ZC3H12C: variants seen among roughly 807,000 people sequenced by gnomAD.
ZC3H12C encodes the protein probable ribonuclease ZC3H12C.
In ZC3H12C, 20 loss-of-function variants were observed where a neutral mutation model predicts 76.3. The observed-to-expected ratio is 0.26, with a 90% CI of 0.18 to 0.38. The LOEUF is 0.38. ZC3H12C is among the 10% of genes least tolerant of loss of function. The probability of loss-of-function intolerance (pLI) is 1.00; values close to 1 mark genes in which losing one functional copy is unlikely to be tolerated. For missense variants in ZC3H12C, 874 were observed against 1,086.5 expected (o/e 0.80, Z 2.75); for synonymous variants, 352 against 399.6 (o/e 0.88, Z 1.42).
intron 2 of ZC3H12C, among the ~76,000 whole-genome samples, chr11:110,147,362 A>G (rs932274179): frequency 6.6e-6 from 1 of 151,980 alleles, no homozygotes; most frequent in Non-Finnish European, 1.5e-5. Context: ...GGTAGGGCTG[A>G]TTTTCTTCCA....
chr11:110,154,493 G>A (rs1862337576), intron 3 of ZC3H12C, among the ~76,000 whole-genome samples: 1 of 152,082 alleles, frequency 6.6e-6, no homozygotes, highest in South Asian at 2.1e-4. Context: ...ATGTATAAAT[G>A]TAAAGCAGAG....
chr11:110,108,480 A>G (rs1391168893), intron 1 of ZC3H12C, among the ~76,000 whole-genome samples: 4 of 152,242 alleles, frequency 2.6e-5, no homozygotes, highest in African/African-American at 7.2e-5. Flanking sequence ...TAGTTTTTGT[A>G]CTGAAGTCCT....
intron 1 of ZC3H12C, among the ~76,000 whole-genome samples, chr11:110,099,208 C>T (rs1420735009): frequency 2.0e-5 from 3 of 151,962 alleles, no homozygotes; most frequent in South Asian, 4.2e-4. Flanking sequence ...AGTGAAATTC[C>T]TTTTTCTGCA....
intron 1 of ZC3H12C, among the ~76,000 whole-genome samples, chr11:110,103,804 C>T (rs892113611): frequency 2.6e-5 from 4 of 151,982 alleles, no homozygotes; most frequent in Non-Finnish European, 5.9e-5. Context: ...GGGGTTTCAC[C>T]GTGTTAGCCA....
chr11:110,137,970 T>C (rs1302638149), intron 2 of ZC3H12C, among the ~76,000 whole-genome samples: 1 of 152,072 alleles, frequency 6.6e-6, no homozygotes, highest in Non-Finnish European at 1.5e-5. Flanking sequence ...GATAATTTTT[T>C]TGGCTAGGCA....
chr11:110,115,302 T>G, intron 1 of ZC3H12C, among the ~76,000 whole-genome samples: 1 of 151,790 alleles, frequency 6.6e-6, no homozygotes, highest in Non-Finnish European at 1.5e-5. Flanking sequence ...TTTTTTCATT[T>G]ATTTATTTAT....
chr11:110,124,835 A>G (rs905708577), intron 1 of ZC3H12C, among the ~76,000 whole-genome samples: 3 of 151,616 alleles, frequency 2.0e-5, no homozygotes, highest in African/African-American at 4.8e-5. Flanking sequence ...TTTTTTAAGC[A>G]GAAGAGTGAT....
At position 110,117,886 on chromosome 11, in the gene ZC3H12C, ATT is replaced by A. The variant is rs1491295892; in HGVS notation, c.22-18776_22-18775del. The stretch of plus-strand genomic sequence containing the variant: ...AATATATATACACACACATATATAT[ATT>A]ATATATATACACACACACATATATA... On this transcript the variant is annotated intron_variant, in intron 1 of 5. Transcript: ENST00000278590. Among the ~76,000 whole-genome samples the A allele has an allele frequency of 2.1e-4, 17 of 81,380 alleles. 1 individual carries two copies. In the South Asian group the frequency reaches 4.2e-3, roughly 20 times the overall value. 53.4% of individuals were successfully genotyped at this position (81,380 alleles called of 152,430 possible).
intron 1 of ZC3H12C, among the ~76,000 whole-genome samples, chr11:110,109,558 G>A (rs1861391755): frequency 6.6e-6 from 1 of 151,988 alleles, no homozygotes; most frequent in Non-Finnish European, 1.5e-5. Flanking sequence ...TTTTGTTAAT[G>A]GGTTTTACTT....
intron 4 of ZC3H12C, among the ~76,000 whole-genome samples, chr11:110,160,910 C>A (rs1162534952): frequency 6.6e-6 from 1 of 152,114 alleles, no homozygotes; most frequent in Non-Finnish European, 1.5e-5. Context: ...CACCTCAGCT[C>A]ACTGCAACCT....
At chr11:110,127,990 A>T (rs1861783910) in intron 1 of ZC3H12C, among the ~76,000 whole-genome samples, 1 of 152,042 alleles carries the variant, frequency 6.6e-6, no homozygotes, top group East Asian at 1.9e-4. Flanking sequence ...CCATACCCCC[A>T]CATCAAAGCT....
chr11:110,102,507 G>A (rs1480482533), intron 1 of ZC3H12C, among the ~76,000 whole-genome samples: 1 of 152,060 alleles, frequency 6.6e-6, no homozygotes, highest in Non-Finnish European at 1.5e-5. Context: ...GTGTCTTCTG[G>A]ATAAGCAAAG....
In ZC3H12C at chr11:110,113,213, G is replaced by C. The variant is rs189789975; in HGVS notation, c.21+19781G>C. Among the ~76,000 whole-genome samples, 101 of 152,236 alleles carry C rather than the reference G, an allele frequency of 6.6e-4. 3 individuals are homozygous for C. The South Asian group carries it at 0.015, about 22-fold the overall frequency. On this transcript the variant is annotated intron_variant, in intron 1 of 5. Transcript: ENST00000278590. Reference sequence around the variant, plus strand: ...GATAGATAGAATTTGGAGATTGTATGATGTTGAGTATGGGAAAAAATTTTC... The same window carrying C: ...GATAGATAGAATTTGGAGATTGTATCATGTTGAGTATGGGAAAAAATTTTC...
chr11:110,137,357 C>A lies in ZC3H12C; in HGVS notation c.716C>A (p.Thr239Lys). 6.2e-7 allele frequency: 1 copy of A among 1,613,462 alleles called. No individual in the cohort carries two copies. Among genetic ancestry groups the A allele is most frequent in the Non-Finnish European group, 8.5e-7 (1 of 1,179,776 alleles). ...RSESPMQEIV[T>K]DDGENLRPIV... ...GAATCTCCAATGCAAGAGATTGTAA[C>A]AGATGATGGTGAAAATCTGAGACCA... is the stretch of plus-strand genomic sequence containing the variant. The change falls in exon 2 of 6, where the codon ACA becomes AAA. Residue 239 changes from threonine to lysine, a missense_variant. Around this residue, in one of 3 missense-constraint regions of ZC3H12C, gnomAD observed 269 missense variants for 424.9 expected, o/e 0.63. Coordinates refer to ENST00000278590, the MANE Select transcript of ZC3H12C (RefSeq NM_033390.2).
At chr11:110,130,638 A>C (rs147748155) in intron 1 of ZC3H12C, among the ~76,000 whole-genome samples, 3 of 152,326 alleles carry the variant, frequency 2.0e-5, no homozygotes, top group South Asian at 2.1e-4. Context: ...TTAAAATATA[A>C]TTGGTTTCTT....
chr11:110,143,146 A>C (rs995183032), intron 2 of ZC3H12C, among the ~76,000 whole-genome samples: 3 of 152,222 alleles, frequency 2.0e-5, no homozygotes, highest in African/African-American at 7.2e-5. Flanking sequence ...CCAGATCCCC[A>C]TGAGATGAAT....
At chr11:110,093,918 C>G (rs1468770100) in intron 1 of ZC3H12C, among the ~76,000 whole-genome samples, 1 of 152,134 alleles carries the variant, frequency 6.6e-6, no homozygotes, top group East Asian at 1.9e-4. Flanking sequence ...ATCCCTCCAT[C>G]CAGATCGCCA....
At chr11:110,101,522 C>T (rs75416427) in intron 1 of ZC3H12C, among the ~76,000 whole-genome samples, 4,099 of 150,686 alleles carry the variant, frequency 0.027, 330 homozygotes, top group Admixed American at 0.17. Context: ...TTCGAAAAAT[C>T]GTAAGGCCCT....
At chr11:110,144,365 A>G (rs1407234915) in intron 2 of ZC3H12C, among the ~76,000 whole-genome samples, 1 of 152,234 alleles carries the variant, frequency 6.6e-6, no homozygotes, top group Non-Finnish European at 1.5e-5. Flanking sequence ...AGTTCTCACA[A>G]CGCTATGAGG....
Sources: gnomAD v4.1 joint callset for allele counts (sites outside exome capture counted in the v4.1 genomes callset) on GRCh38, gnomAD v4.1.1 for gene constraint, gnomAD v4.1.1 regional missense constraint, MANE v1.5 for transcripts, NCBI Gene and HGNC (gene_info 2026-07-23, HGNC 2026-07-21) for gene names.